Variants in CHRM3 observed in about 807,000 individuals in gnomAD.
CHRM3 encodes the protein muscarinic acetylcholine receptor M3.
In CHRM3, 11 loss-of-function variants were observed where a neutral mutation model predicts 41.8. The observed-to-expected ratio is 0.26, with a 90% confidence interval of 0.17 to 0.44. The LOEUF (loss-of-function observed/expected upper bound fraction) is 0.44, where lower values mean the gene tolerates loss of function less well. Among genes scored for constraint, CHRM3 ranks in the 20% least tolerant of loss-of-function variants. The probability of loss-of-function intolerance (pLI) is 1.00; values close to 1 mark genes in which losing one functional copy is unlikely to be tolerated. For missense variants in CHRM3, 571 were observed against 745.4 expected (o/e 0.77, Z 2.72); for synonymous variants, 297 against 301.4 (o/e 0.99, Z 0.15).
chr1:239,892,636 T>C (rs1336940323), intron 6 of CHRM3, among the ~76,000 whole-genome samples: 1 of 152,192 alleles, frequency 6.6e-6, no homozygotes, highest in African/African-American at 2.4e-5. Context: ...ATGAAAATTA[T>C]AATAGATCTA....
intron 6 of CHRM3, among the ~76,000 whole-genome samples, chr1:239,887,981 C>T (rs770061716): frequency 1.3e-5 from 2 of 152,106 alleles, no homozygotes; most frequent in African/African-American, 4.8e-5. Context: ...TTATAAAAGG[C>T]CTTTACTTTC....
intron 6 of CHRM3, among the ~76,000 whole-genome samples, chr1:239,897,086 T>G (rs1679066333): frequency 6.6e-6 from 1 of 152,208 alleles, no homozygotes; most frequent in African/African-American, 2.4e-5. Flanking sequence ...GCCTAGGCAA[T>G]GTGCCCACGT....
chr1:239,522,110 T>C (rs1000052985), intron 2 of CHRM3, among the ~76,000 whole-genome samples: 2 of 152,248 alleles, frequency 1.3e-5, no homozygotes, highest in Non-Finnish European at 2.9e-5. Flanking sequence ...GTGTGTGTTC[T>C]CATCTGTTGA....
chr1:239,889,997 G>A (rs1678409033), intron 6 of CHRM3, among the ~76,000 whole-genome samples: 1 of 152,164 alleles, frequency 6.6e-6, no homozygotes, highest in African/African-American at 2.4e-5. Context: ...CCAGTCACAA[G>A]AGGACCCCAC....
chr1:239,743,783 T>TTTTTC (rs1558504925), intron 5 of CHRM3, among the ~76,000 whole-genome samples: 3 of 142,990 alleles, frequency 2.1e-5, no homozygotes, highest in South Asian at 2.3e-4. Context: ...TTTTCTTTTT[T>TTTTTC]TTTTCTTTTT....
intron 5 of CHRM3, among the ~76,000 whole-genome samples, chr1:239,811,746 AG>A (rs1671134422): frequency 6.6e-6 from 1 of 152,210 alleles, no homozygotes; most frequent in African/African-American, 2.4e-5. Flanking sequence ...TGTGGCTATC[AG>A]GCCACCTAAT....
chr1:239,395,954 C>T (rs1659440016), intron 1 of CHRM3, among the ~76,000 whole-genome samples: 1 of 152,142 alleles, frequency 6.6e-6, no homozygotes, highest in Admixed American at 6.5e-5. Flanking sequence ...TATTTCATGG[C>T]TTGGGTTTGC....
intron 2 of CHRM3, among the ~76,000 whole-genome samples, chr1:239,501,854 C>CA (rs112396891): frequency 0.014 from 2,037 of 148,926 alleles, 35 homozygotes; most frequent in South Asian, 0.039. Context: ...GACTCTGTCT[C>CA]AAAAAAAAAA....
intron 3 of CHRM3, among the ~76,000 whole-genome samples, chr1:239,629,738 T>C (rs1669587014): frequency 1.3e-5 from 2 of 152,210 alleles, no homozygotes; most frequent in Admixed American, 1.3e-4. Context: ...ATCCTACCTT[T>C]TTTTATGGAC....
intron 3 of CHRM3, among the ~76,000 whole-genome samples, chr1:239,587,187 A>G (rs1349823313): frequency 6.6e-6 from 1 of 152,134 alleles, no homozygotes; most frequent in Non-Finnish European, 1.5e-5. Flanking sequence ...CCTCACCTCC[A>G]CGTGCTGTAC....
At chr1:239,688,447 TATAA>T in intron 5 of CHRM3, among the ~76,000 whole-genome samples, 1 of 142,764 alleles carries the variant, frequency 7.0e-6, no homozygotes, top group East Asian at 2.0e-4. Context: ...ATATCATATT[TATAA>T]ATATATTATA....
chr1:239,389,112 T>C (rs1383546091), intron 1 of CHRM3, among the ~76,000 whole-genome samples: 1 of 152,154 alleles, frequency 6.6e-6, no homozygotes, highest in Non-Finnish European at 1.5e-5. Context: ...ACATGACAGT[T>C]GAAAAAGAAA....
chr1:239,618,669 C>G (rs182578746), intron 3 of CHRM3, among the ~76,000 whole-genome samples: 6,455 of 150,740 alleles, frequency 0.043, 486 homozygotes, highest in African/African-American at 0.15. Context: ...ACGGTGAAAC[C>G]CCGTCTCTAC....
intron 5 of CHRM3, among the ~76,000 whole-genome samples, chr1:239,760,455 C>A (rs1247656924): frequency 2.0e-5 from 3 of 152,062 alleles, no homozygotes; most frequent in African/African-American, 7.2e-5. Context: ...GTCTTTTCAC[C>A]TGATGACCAA....
chr1:239,743,167 C>A (rs1665010547), intron 5 of CHRM3, among the ~76,000 whole-genome samples: 1 of 152,036 alleles, frequency 6.6e-6, no homozygotes, highest in Admixed American at 6.6e-5. Context: ...AACTTAAACC[C>A]AAAATTGAAA....
At chr1:239,401,166 G>C (rs1374635063) in intron 1 of CHRM3, among the ~76,000 whole-genome samples, 1 of 152,184 alleles carries the variant, frequency 6.6e-6, no homozygotes, top group Non-Finnish European at 1.5e-5. Flanking sequence ...TGATTATCAA[G>C]GGTCAGGCCA....
Position 239,650,386 on chromosome 1 carries a change from G to C in CHRM3, c.-250+18100G>C, listed in dbSNP as rs1257527438. 2.0e-5 allele frequency among the ~76,000 whole-genome samples: 3 copies of C among 152,254 alleles called. No homozygotes were observed. In the South Asian group the frequency reaches 6.2e-4, roughly 32 times the overall value. Reference sequence around the variant, plus strand: ...CAAAATGGAGACAGTGATACACTTTGTTAGACATGATTATTGTGAGAATAA... The same window carrying C: ...CAAAATGGAGACAGTGATACACTTTCTTAGACATGATTATTGTGAGAATAA... On this transcript the variant is annotated intron_variant, in intron 4 of 6. Coordinates refer to ENST00000676153, the MANE Select transcript of CHRM3 (RefSeq NM_001375978.1).
At chr1:239,501,626 T>C (rs796755541) in intron 2 of CHRM3, among the ~76,000 whole-genome samples, 11 of 152,070 alleles carry the variant, frequency 7.2e-5, no homozygotes, top group African/African-American at 2.7e-4. Flanking sequence ...GAGGCTGAGG[T>C]GGGCAGATCA....
chr1:239,578,748 G>T (rs891813221), intron 3 of CHRM3, among the ~76,000 whole-genome samples: 1 of 152,080 alleles, frequency 6.6e-6, no homozygotes, highest in Non-Finnish European at 1.5e-5. Flanking sequence ...CACCTGAAGA[G>T]CATTTTACAC....
Sources: gnomAD v4.1 joint callset for allele counts (sites outside exome capture counted in the v4.1 genomes callset) on GRCh38, gnomAD v4.1.1 for gene constraint, MANE v1.5 for transcripts, NCBI Gene and HGNC (gene_info 2026-07-23, HGNC 2026-07-21) for gene names.